Variants in REN observed in about 807,000 individuals in gnomAD.
REN encodes angiotensin-forming enzyme.
A neutral mutation model predicts 48.6 loss-of-function variants in REN; 42 were observed. The ratio of observed to expected loss-of-function variants is 0.86; its 90% CI spans 0.68 to 1.12. The LOEUF is 1.12. Ranked by LOEUF, REN falls within the 50% of genes most tolerant of loss-of-function variation. The pLI, the probability that REN is intolerant of heterozygous loss-of-function variation, is 0.00. For synonymous variants in REN, 196 were observed against 204.6 expected (o/e 0.96, Z 0.36); for missense variants, 443 against 527.3 (o/e 0.84, Z 1.57).
At chr1:204,157,125 C>T (rs1474865818) in intron 6 of REN, among the ~76,000 whole-genome samples, 1 of 152,178 alleles carries the variant, frequency 6.6e-6, no homozygotes, top group Non-Finnish European at 1.5e-5. Context: ...GGACACCCCT[C>T]ACTCTTGGGT....
chr1:204,164,028 T>C (rs1658295407), intron 1 of REN, among the ~76,000 whole-genome samples: 1 of 152,242 alleles, frequency 6.6e-6, no homozygotes, highest in African/African-American at 2.4e-5. Context: ...GTGCCTCGCA[T>C]GATGCTCTGC....
Position 204,156,202 on chromosome 1 carries a change from C to A in REN, c.936G>T (p.Leu312Phe). The A allele has an allele frequency of 6.2e-7, 1 of 1,614,244 alleles. No homozygotes were observed. The highest frequency in any genetic ancestry group is 8.5e-7 in the Non-Finnish European group (1 of 1,180,048). Residue 312 changes from leucine (L) to phenylalanine (F), a missense_variant, in exon 8 of 10, where the codon TTG (leucine) becomes TTT (phenylalanine). By Grantham distance (22) the Leu-to-Phe change is conservative. Coordinates refer to ENST00000272190, the MANE Select transcript of REN (RefSeq NM_000537.4). The surrounding 1 kb of genome is among the most constrained non-coding windows in gnomAD (Gnocchi z 4.2). ...TSSIEKLMEA[L>F]GAKKRLFDYV... ...CATCAAACAGCCTCTTCTTGGCTCC[C>A]AAGGCCTCCATGAGCTTCTCTATGG...
At chr1:204,164,641 G>C (rs1391378852) in intron 1 of REN, among the ~76,000 whole-genome samples, 1 of 134,762 alleles carries the variant, frequency 7.4e-6, no homozygotes, top group African/African-American at 2.9e-5. Context: ...GTCAGTCTCT[G>C]CTCACTGCAG....
At chr1:204,159,166 G>A (rs1464099511) in intron 5 of REN, among the ~76,000 whole-genome samples, 3 of 152,186 alleles carry the variant, frequency 2.0e-5, no homozygotes, top group African/African-American at 4.8e-5. Context: ...GGCATTTGAC[G>A]TGTGGCTAGT....
intron 5 of REN, 128 bp from the exon 6 acceptor site, chr1:204,157,497 A>T: frequency 2.2e-6 from 3 of 1,350,528 alleles, no homozygotes; most frequent in Non-Finnish European, 3.2e-6. Context: ...CAAGAGGCGA[A>T]GTCACTTGCC....
rs1558245253 is a variant in REN, at chr1:204,161,338, AT to A, written c.326del (p.Asn109MetfsTer62). On this transcript the variant is annotated frameshift_variant, in exon 3 of 10. Coordinates refer to ENST00000272190, the MANE Select transcript of REN (RefSeq NM_000537.4). LOFTEE classifies it high-confidence loss of function. ...FKVVFDTGSS[N>X]VWVPSSKCSR... ...TGCACTTGGAGGAGGGCACCCAAAC[AT>A]TGGACGAACCAGTGTCAAAGACGAC... 6.2e-7 allele frequency: 1 copy of A among 1,609,310 alleles called. No homozygotes were observed. The highest frequency in any genetic ancestry group is 1.7e-5 in the Admixed American group (1 of 59,570).
chr1:204,165,698 C>A (rs1658335068), intron 1 of REN, among the ~76,000 whole-genome samples: 1 of 151,662 alleles, frequency 6.6e-6, no homozygotes, highest in Non-Finnish European at 1.5e-5. Context: ...TCAAACGATT[C>A]TCCTGCCTCA....
chr1:204,162,241 C>G, intron 1 of REN, 78 bp from the exon 2 acceptor site: 1 of 1,532,790 alleles, frequency 6.5e-7, no homozygotes, highest in East Asian at 2.3e-5. Context: ...AGGCCAAACC[C>G]CTGCTTTTAG....
chr1:204,161,862 TG>T, intron 2 of REN, 150 bp downstream of exon 2: 1 of 989,782 alleles, frequency 1.0e-6, no homozygotes, highest in Non-Finnish European at 1.5e-6. Context: ...GCTTTCCAGC[TG>T]GAAAATGGGA....
intron 1 of REN, among the ~76,000 whole-genome samples, chr1:204,164,563 G>GTTT (rs1658309910): frequency 9.7e-6 from 1 of 102,804 alleles, no homozygotes; most frequent in Admixed American, 1.1e-4. Flanking sequence ...CCCTTCTTCA[G>GTTT]TCTTTTTTTT....
intron 2 of REN, 139 bp from the exon 3 acceptor site, chr1:204,161,554 G>T: frequency 2.5e-6 from 2 of 786,314 alleles, no homozygotes; most frequent in Non-Finnish European, 3.6e-6. Context: ...CCATTTTCCT[G>T]CAGGAACTGG....
In REN at chr1:204,163,147, A is replaced by G. The variant is rs537348537; in HGVS notation, c.99-984T>C. On this transcript the variant is annotated intron_variant, in intron 1 of 9. Coordinates refer to ENST00000272190, the MANE Select transcript of REN (RefSeq NM_000537.4). The stretch of plus-strand genomic sequence containing the variant: ...CGGGAAGGTCCCAGGATGGAAGCCC[A>G]AGTTGACTCTGCAATAGACTTTCCC... Among the ~76,000 whole-genome samples, 11 of 152,306 alleles carry G rather than the reference A, an allele frequency of 7.2e-5. No individual in the cohort carries two copies. The South Asian group carries it at 2.3e-3, about 32-fold the overall frequency.
rs778337508 is a variant in REN, at chr1:204,156,295, C to A, written c.843G>T (p.Leu281Phe). 1 of 1,614,096 alleles carries A rather than the reference C, an allele frequency of 6.2e-7. No homozygotes were observed. Among genetic ancestry groups the A allele is most frequent in the Admixed American group, 1.7e-5 (1 of 60,018 alleles). Residue 281 changes from leucine (L) to phenylalanine (F), a missense_variant, in exon 8 of 10, where the codon TTG becomes TTT. Coordinates refer to ENST00000272190, the MANE Select transcript of REN (RefSeq NM_000537.4). The surrounding 1 kb of genome is among the most constrained non-coding windows in gnomAD (Gnocchi z 4.2). ...MKGVSVGSST[L>F]LCEDGCLALV... ...ATGCCAGGCAGCCGTCTTCACAGAG[C>A]AAGGTGGATGACCCCACAGACACCC...
intron 1 of REN, among the ~76,000 whole-genome samples, chr1:204,162,670 G>A (rs1036245847): frequency 2.0e-5 from 3 of 152,206 alleles, no homozygotes; most frequent in Non-Finnish European, 2.9e-5. Flanking sequence ...ATGGGAGGCC[G>A]CTAGGTGGCA....
chr1:204,166,101 G>T, intron 1 of REN, 95 bp downstream of exon 1: 1 of 996,388 alleles, frequency 1.0e-6, no homozygotes, highest in African/African-American at 1.6e-5. Flanking sequence ...CTGATCGTAA[G>T]GACTGAATGA....
chr1:204,155,211 G>C, intron 9 of REN, 34 bp from the exon 10 acceptor site: 1 of 1,612,326 alleles, frequency 6.2e-7, no homozygotes, highest in Non-Finnish European at 8.5e-7. Flanking sequence ...TCCATACCCA[G>C]CACATGAGCA....
chr1:204,156,025 G>A lies in REN; in HGVS notation c.961-107C>T. The A allele has an allele frequency of 6.9e-7, 1 of 1,441,820 alleles. No homozygotes were observed. The allele number at this position is 1,441,820 out of a possible 1,614,324, so 89.3% of individuals were successfully genotyped here. ...TCTCTGCTGGAGAGGGCTGGGGACA[G>A]TGCCCCGCCCCATGGGTGACCAGCC... is the stretch of plus-strand genomic sequence containing the variant. On this transcript the variant is annotated intron_variant, in intron 8 of 9. Transcript: ENST00000272190. This position sits in a 1 kb window ranked among gnomAD's most constrained non-coding sequence, Gnocchi z 4.2.
intron 2 of REN, 150 bp downstream of exon 2, chr1:204,161,863 G>T: frequency 1.0e-6 from 1 of 992,938 alleles, no homozygotes; most frequent in South Asian, 1.7e-5. Flanking sequence ...CTTTCCAGCT[G>T]GAAAATGGGA....
At chr1:204,159,721 G>A in intron 4 of REN, 126 bp from the exon 5 acceptor site, 1 of 804,242 alleles carries the variant, frequency 1.2e-6, no homozygotes, top group Non-Finnish European at 2.1e-6. Flanking sequence ...CGGGGTAAGA[G>A]TATTTCCTCA....
Sources: gnomAD v4.1 joint callset for allele counts (sites outside exome capture counted in the v4.1 genomes callset) on GRCh38, gnomAD v4.1.1 for gene constraint, Gnocchi (gnomAD v3.1) non-coding constraint, MANE v1.5 for transcripts, NCBI Gene and HGNC (gene_info 2026-07-23, HGNC 2026-07-21) for gene names.